ATP13A3: variants seen among roughly 807,000 people sequenced by gnomAD.
ATP13A3 encodes ATPase 13A3.
ATP13A3 carries 59 observed loss-of-function variants against 158.1 expected under a neutral mutation model. That is an observed-to-expected ratio of 0.37 (90% CI 0.30 to 0.46). ATP13A3 has a LOEUF of 0.46. ATP13A3 is among the 20% of genes least tolerant of loss of function. The pLI, the probability that ATP13A3 is intolerant of heterozygous loss-of-function variation, is 1.00. For missense variants in ATP13A3, 1,166 were observed against 1,525.2 expected (o/e 0.76, Z 3.92); for synonymous variants, 491 against 504.3 (o/e 0.97, Z 0.35).
chr3:194,443,713 G>C (rs1718201602), intron 15 of ATP13A3, among the ~76,000 whole-genome samples: 1 of 152,088 alleles, frequency 6.6e-6, no homozygotes, highest in African/African-American at 2.4e-5. Flanking sequence ...GCAGACTTTT[G>C]ACAGGGGGAG....
intron 3 of ATP13A3, among the ~76,000 whole-genome samples, 158 bp downstream of exon 3, chr3:194,461,982 T>C (rs756872216): frequency 6.6e-6 from 1 of 152,200 alleles, no homozygotes; most frequent in Non-Finnish European, 1.5e-5. Flanking sequence ...AATAGACATA[T>C]TACACAATCC....
Position 194,455,935 on chromosome 3 carries a change from A to G in ATP13A3, c.588T>C (p.Ile196=). ...YRKLLYGVNE[I]AVKVPSVFKL... ...TAAAAACAGAAGGCACTTTTACAGC[A>G]ATTTCATTTACTCCATAAAGCAGTT... The change falls in exon 8 of 34, where the codon ATT becomes ATC. Residue 196 remains isoleucine, a synonymous_variant. Coordinates refer to ENST00000645319, the MANE Select transcript of ATP13A3 (RefSeq NM_001367549.1). 1 of 1,554,522 alleles carries G rather than the reference A, an allele frequency of 6.4e-7. No homozygotes were observed. The highest frequency in any genetic ancestry group is 8.8e-7 in the Non-Finnish European group (1 of 1,142,462).
Position 194,428,231 on chromosome 3 carries a change from A to AAAAAAAAAAAG in ATP13A3, c.2947+613_2947+614insCTTTTTTTTTT, listed in dbSNP as rs557252872. 2.1e-5 allele frequency among the ~76,000 whole-genome samples: 3 copies of AAAAAAAAAAAG among 141,790 alleles called. 1 individual carries two copies. Among genetic ancestry groups the AAAAAAAAAAAG allele is most frequent in the African/African-American group, 8.4e-5 (3 of 35,730 alleles). 93.0% of individuals were successfully genotyped at this position (141,790 alleles called of 152,430 possible). A position where few individuals can be genotyped will look rare whatever the true frequency, so the allele number is the denominator to read the frequency against. On this transcript the variant is annotated intron_variant, in intron 28 of 33. Transcript: ENST00000645319. ...GACAGACTCTGTCTCAAAAAAAAAAAAAAAAAGAAAAAAAGAAATTTCTAT... is the reference window on the plus strand; with the variant it reads ...GACAGACTCTGTCTCAAAAAAAAAAAAAAAAAAAAAGAAAAAAGAAAAAAAGAAATTTCTAT...
intron 30 of ATP13A3, among the ~76,000 whole-genome samples, chr3:194,422,792 C>T (rs1716486055): frequency 1.3e-5 from 2 of 151,566 alleles, no homozygotes; most frequent in Non-Finnish European, 2.9e-5. Context: ...GTTCCTTCCC[C>T]AAACAATAAC....
Position 194,494,299 on chromosome 3 carries a change from A to G in ATP13A3, n.516-19T>C. The G allele has an allele frequency of 5.0e-6, 2 of 398,580 alleles. No individual in the cohort carries two copies. Among genetic ancestry groups the G allele is most frequent in the Non-Finnish European group, 4.4e-6 (1 of 226,054 alleles). The allele number at this position is 398,580 out of a possible 1,614,324, so 24.7% of individuals were successfully genotyped here. ...AAGTATGCTGAGTAAGTGGAGAACA[A>G]GTTAACATTGATTTTCACAACCACG... On this transcript the variant is annotated intron_variant and non_coding_transcript_variant, in intron 1 of 32. Coordinates refer to the ATP13A3 transcript ENST00000687055. This position sits in a 1 kb window ranked among gnomAD's most constrained non-coding sequence, Gnocchi z 4.2.
chr3:194,464,803 GAC>G (rs1719893001), intron 2 of ATP13A3, among the ~76,000 whole-genome samples: 1 of 152,130 alleles, frequency 6.6e-6, no homozygotes, highest in African/African-American at 2.4e-5. Context: ...TTTAAATAGA[GAC>G]AGGGTCTCAC....
chr3:194,467,039 T>A (rs561135451), intron 2 of ATP13A3, among the ~76,000 whole-genome samples: 6 of 152,338 alleles, frequency 3.9e-5, no homozygotes, highest in Non-Finnish European at 8.8e-5. Flanking sequence ...GGTTTTTGAA[T>A]CTTACTCTTC....
chr3:194,410,319 A>AAAC (rs1577021365), intron 33 of ATP13A3, among the ~76,000 whole-genome samples: 2 of 145,636 alleles, frequency 1.4e-5, no homozygotes, highest in Non-Finnish European at 3.0e-5. Flanking sequence ...AAAAAAAAAA[A>AAAC]AAAAAAAAAA....
At chr3:194,481,366 A>C (rs1720741136) in intron 2 of ATP13A3, among the ~76,000 whole-genome samples, 1 of 151,984 alleles carries the variant, frequency 6.6e-6, no homozygotes. Context: ...GGCAACCCTT[A>C]AAAGTTGGCT....
chr3:194,465,789 C>T (rs1464740631), intron 2 of ATP13A3, among the ~76,000 whole-genome samples: 1 of 149,578 alleles, frequency 6.7e-6, no homozygotes, highest in Non-Finnish European at 1.5e-5. Context: ...CATGGTGAAA[C>T]CCCATCTCTA....
At chr3:194,425,105 G>A (rs576999512) in intron 30 of ATP13A3, among the ~76,000 whole-genome samples, 1 of 152,294 alleles carries the variant, frequency 6.6e-6, no homozygotes, top group South Asian at 2.1e-4. Context: ...ATAAAAGCTG[G>A]AGCCAGAGGC....
At chr3:194,437,722 A>AT in intron 17 of ATP13A3, 149 bp from the exon 18 acceptor site, 1 of 760,374 alleles carries the variant, frequency 1.3e-6, no homozygotes, top group Admixed American at 3.0e-5. Flanking sequence ...GATTCCTTCT[A>AT]TACTACTTCC....
In ATP13A3 at chr3:194,437,081, C is replaced by G; in HGVS notation, c.2120+14G>C. On this transcript the variant is annotated intron_variant, in intron 20 of 33. Coordinates refer to ENST00000645319, the MANE Select transcript of ATP13A3 (RefSeq NM_001367549.1). ...GATGATGACTGGGAAACTAGGAAAG[C>G]CGTTCAACCTCACCTGCTAATATTC... 6.2e-7 allele frequency: 1 copy of G among 1,611,380 alleles called. No homozygotes were observed. Among genetic ancestry groups the G allele is most frequent in the Non-Finnish European group, 8.5e-7 (1 of 1,179,210 alleles).
chr3:194,477,372 T>A (rs1720570581), intron 2 of ATP13A3, among the ~76,000 whole-genome samples: 1 of 152,220 alleles, frequency 6.6e-6, no homozygotes, highest in Non-Finnish European at 1.5e-5. Flanking sequence ...AGGGCAAGAC[T>A]GGGTGAAGGA....
intron 2 of ATP13A3, among the ~76,000 whole-genome samples, chr3:194,466,351 CA>C (rs1291004667): frequency 6.6e-6 from 1 of 152,058 alleles, no homozygotes; most frequent in Non-Finnish European, 1.5e-5. Flanking sequence ...CTCGACTCAT[CA>C]AAATGAAAGA....
chr3:194,449,355 AG>A (rs1173158414), intron 11 of ATP13A3, among the ~76,000 whole-genome samples: 1 of 151,266 alleles, frequency 6.6e-6, no homozygotes, highest in African/African-American at 2.5e-5. Context: ...CAGATCAACT[AG>A]GACAATTAAA....
chr3:194,430,439 T>C, intron 24 of ATP13A3, 124 bp from the exon 25 acceptor site: 1 of 1,086,476 alleles, frequency 9.2e-7, no homozygotes, highest in African/African-American at 1.6e-5. Flanking sequence ...CCAGTGGAAC[T>C]ATGAATCTTT....
intron 11 of ATP13A3, among the ~76,000 whole-genome samples, chr3:194,449,220 A>G (rs1231449662): frequency 6.6e-6 from 1 of 152,160 alleles, no homozygotes; most frequent in Admixed American, 6.5e-5. Context: ...TCTTGCTTCA[A>G]AGAAGGCATG....
chr3:194,431,055 C>A (rs1225377321), intron 23 of ATP13A3, 33 bp from the exon 24 acceptor site: 1 of 1,613,278 alleles, frequency 6.2e-7, no homozygotes, highest in Non-Finnish European at 8.5e-7. Context: ...TTTTAAAATA[C>A]TGTTGCGATG....
Sources: gnomAD v4.1 joint callset for allele counts (sites outside exome capture counted in the v4.1 genomes callset) on GRCh38, gnomAD v4.1.1 for gene constraint, Gnocchi (gnomAD v3.1) non-coding constraint, MANE v1.5 for transcripts, NCBI Gene and HGNC (gene_info 2026-07-23, HGNC 2026-07-21) for gene names.